CSMD3: variants seen among roughly 807,000 people sequenced by gnomAD.
The protein encoded by CSMD3 is CUB and sushi domain-containing protein 3.
In CSMD3, 177 loss-of-function variants were observed where a neutral mutation model predicts 435.2. That is an observed-to-expected ratio of 0.41 (90% confidence interval 0.36 to 0.46). The LOEUF (loss-of-function observed/expected upper bound fraction) is 0.46. CSMD3 is among the 20% of genes least tolerant of loss of function. The probability of loss-of-function intolerance (pLI) is 0.34; values close to 1 mark genes in which losing one functional copy is unlikely to be tolerated. For missense variants in CSMD3, 4,265 were observed against 4,504.6 expected (o/e 0.95, Z 1.52); for synonymous variants, 1,656 against 1,520.5 (o/e 1.09, Z -2.07).
At chr8:112,632,758 G>A (rs1489153138) in intron 22 of CSMD3, among the ~76,000 whole-genome samples, 1 of 151,812 alleles carries the variant, frequency 6.6e-6, no homozygotes, top group Non-Finnish European at 1.5e-5. Flanking sequence ...AAACAAAAAA[G>A]GAAAGTGTTT....
chr8:113,144,109 TA>T (rs1197104603), intron 4 of CSMD3, among the ~76,000 whole-genome samples: 1 of 150,218 alleles, frequency 6.7e-6, no homozygotes, highest in Middle Eastern at 3.2e-3. Context: ...TTATTTATTA[TA>T]TAATTATTAC....
At chr8:112,600,395 A>C (rs1056172090) in intron 22 of CSMD3, among the ~76,000 whole-genome samples, 1 of 152,208 alleles carries the variant, frequency 6.6e-6, no homozygotes, top group South Asian at 2.1e-4. Context: ...TTATTGATTT[A>C]TAACGACAAG....
At chr8:112,906,047 C>T (rs1260507755) in intron 10 of CSMD3, among the ~76,000 whole-genome samples, 1 of 151,378 alleles carries the variant, frequency 6.6e-6, no homozygotes, top group Non-Finnish European at 1.5e-5. Context: ...AGTCAGCTGT[C>T]TGCAACTTAG....
chr8:112,885,361 C>A (rs938216653), intron 10 of CSMD3, among the ~76,000 whole-genome samples: 23 of 75,798 alleles, frequency 3.0e-4, no homozygotes, highest in Middle Eastern at 5.6e-3. Flanking sequence ...ACACAAATAG[C>A]CAGTATATAT....
chr8:113,337,729 T>A (rs1357513500), intron 1 of CSMD3, among the ~76,000 whole-genome samples: 3 of 152,040 alleles, frequency 2.0e-5, no homozygotes, highest in Non-Finnish European at 4.4e-5. Context: ...GGTAGAGGGA[T>A]ACAATCTTTG....
chr8:113,290,099 G>A (rs1022803072), intron 2 of CSMD3, among the ~76,000 whole-genome samples: 1 of 151,686 alleles, frequency 6.6e-6, no homozygotes, highest in Non-Finnish European at 1.5e-5. Flanking sequence ...TTTGTGATAT[G>A]TTCCATGGTA....
chr8:113,160,160 G>C (rs1187268123), intron 4 of CSMD3, among the ~76,000 whole-genome samples: 1 of 151,850 alleles, frequency 6.6e-6, no homozygotes, highest in Non-Finnish European at 1.5e-5. Flanking sequence ...AAATGTTTTT[G>C]ATTGTTTATA....
rs752516957 is a variant in CSMD3 at position 112,301,901 on chromosome 8, C to T, written c.8332G>A (p.Gly2778Ser). ...GNKIGTQTSYGSTAIFTCDLG... is the reference protein window; with the variant it reads ...GNKIGTQTSYSSTAIFTCDLG... ...TCGCAGGTAAAGATAGCTGTTGAGC[C>T]ATATGAAGTTTGAGTTCCAATCTTA... The change falls in exon 53 of 71, where the codon GGC (glycine) becomes AGC (serine). Residue 2778 changes from glycine (G) to serine (S), a missense_variant. This residue lies in a region of CSMD3 where 3,255 missense variants were observed against 3,380.2 expected (regional missense o/e 0.96). Coordinates refer to ENST00000297405, the MANE Select transcript of CSMD3 (RefSeq NM_198123.2). 10 of 1,613,098 alleles carry T rather than the reference C, an allele frequency of 6.2e-6. No individual in the cohort carries two copies. In the South Asian group the frequency reaches 1.1e-4, roughly 18 times the overall value.
At chr8:112,448,367 AC>A (rs1284168787) in intron 32 of CSMD3, among the ~76,000 whole-genome samples, 1 of 152,148 alleles carries the variant, frequency 6.6e-6, no homozygotes, top group Admixed American at 6.5e-5. Flanking sequence ...AACTGGGTGG[AC>A]ACAATTCCCA....
intron 13 of CSMD3, among the ~76,000 whole-genome samples, chr8:112,772,017 A>G (rs2078129949): frequency 6.6e-6 from 1 of 152,108 alleles, no homozygotes; most frequent in Non-Finnish European, 1.5e-5. Context: ...AGAATTATAA[A>G]TGGACATAAA....
chr8:112,585,031 T>C (rs1830614353), intron 23 of CSMD3, among the ~76,000 whole-genome samples: 1 of 151,636 alleles, frequency 6.6e-6, no homozygotes, highest in Non-Finnish European at 1.5e-5. Context: ...TTTCAGCTAA[T>C]GGTTTCTCGT....
At chr8:112,441,803 A>AC (rs34596510) in intron 32 of CSMD3, among the ~76,000 whole-genome samples, 7 of 151,776 alleles carry the variant, frequency 4.6e-5, no homozygotes, top group Admixed American at 6.6e-5. Flanking sequence ...AGCCAGGGGG[A>AC]CCCCCCACCA....
At chr8:112,698,839 T>C (rs1224552845) in intron 13 of CSMD3, among the ~76,000 whole-genome samples, 1 of 152,126 alleles carries the variant, frequency 6.6e-6, no homozygotes, top group African/African-American at 2.4e-5. Context: ...AGAACTTTTC[T>C]ATCTAGCTAA....
chr8:112,484,302 T>G (rs776907113), intron 31 of CSMD3, among the ~76,000 whole-genome samples: 9 of 152,176 alleles, frequency 5.9e-5, no homozygotes, highest in Non-Finnish European at 1.0e-4. Flanking sequence ...AACTGGGACT[T>G]TGTCACCAGT....
intron 32 of CSMD3, among the ~76,000 whole-genome samples, chr8:112,459,534 T>C (rs1448327596): frequency 6.6e-6 from 1 of 152,100 alleles, no homozygotes; most frequent in Non-Finnish European, 1.5e-5. Flanking sequence ...TACATGTAAA[T>C]GTTTCAAAAT....
chr8:113,198,275 T>C (rs1470112928), intron 3 of CSMD3, among the ~76,000 whole-genome samples: 1 of 151,378 alleles, frequency 6.6e-6, no homozygotes, highest in Non-Finnish European at 1.5e-5. Flanking sequence ...GATTACTTCA[T>C]ATCATAATCA....
chr8:113,192,126 G>C (rs1377089773), intron 3 of CSMD3, among the ~76,000 whole-genome samples: 2 of 151,584 alleles, frequency 1.3e-5, no homozygotes, highest in Non-Finnish European at 3.0e-5. Context: ...CTTCCTGAGA[G>C]ATTTGGATAT....
intron 22 of CSMD3, among the ~76,000 whole-genome samples, chr8:112,594,197 C>T (rs1412987383): frequency 6.6e-6 from 1 of 152,174 alleles, no homozygotes; most frequent in Non-Finnish European, 1.5e-5. Flanking sequence ...GAGGCATTGC[C>T]TCACTTGGGA....
chr8:113,155,497 G>T (rs1445160134), intron 4 of CSMD3, among the ~76,000 whole-genome samples: 3 of 151,976 alleles, frequency 2.0e-5, no homozygotes, highest in Admixed American at 6.6e-5. Context: ...AACTATTAAG[G>T]GTGGGAAGTG....
Sources: allele counts gnomAD v4.1 joint callset (sites outside exome capture counted in the v4.1 genomes callset), GRCh38; gene constraint gnomAD v4.1.1; regional missense constraint gnomAD v4.1.1; transcripts MANE v1.5; gene names NCBI Gene and HGNC (gene_info 2026-07-23, HGNC 2026-07-21).